DAB2IP: variants seen among roughly 807,000 people sequenced by gnomAD.
DAB2IP encodes disabled homolog 2-interacting protein.
A neutral mutation model predicts 107.2 loss-of-function variants in DAB2IP; 28 were observed. That is an observed-to-expected ratio of 0.26 (90% confidence interval 0.19 to 0.36). The LOEUF is 0.36. Among genes scored for constraint, DAB2IP ranks in the 10% least tolerant of loss-of-function variants. DAB2IP has a pLI of 1.00. For missense variants in DAB2IP, 1,400 were observed against 1,644.7 expected, an observed-to-expected ratio of 0.85 and a Z score of 2.57; for synonymous variants, 755 against 706.4, an observed-to-expected ratio of 1.07 and a Z score of -1.09.
chr9:121,659,191 A>C (rs1246563301), intron 1 of DAB2IP, among the ~76,000 whole-genome samples: 1 of 152,212 alleles, frequency 6.6e-6, no homozygotes, highest in African/African-American at 2.4e-5. Context: ...GGGCAGTCGG[A>C]GATGACTCCT....
chr9:121,682,198 T>C (rs1828635022), intron 2 of DAB2IP, among the ~76,000 whole-genome samples: 1 of 152,190 alleles, frequency 6.6e-6, no homozygotes, highest in South Asian at 2.1e-4. Context: ...CCAAAAGCTA[T>C]GTCCTCACGT....
At chr9:121,687,622 TG>T (rs1376587703) in intron 2 of DAB2IP, among the ~76,000 whole-genome samples, 1 of 152,148 alleles carries the variant, frequency 6.6e-6, no homozygotes, top group Non-Finnish European at 1.5e-5. Flanking sequence ...GTCTGTACGA[TG>T]GGGGATTTTG....
At chr9:121,652,807 CTG>C (rs1832807738) in intron 1 of DAB2IP, among the ~76,000 whole-genome samples, 1 of 152,146 alleles carries the variant, frequency 6.6e-6, no homozygotes, top group Admixed American at 6.5e-5. Flanking sequence ...ACCCTGCAGG[CTG>C]CCGTTGTGTG....
At chr9:121,600,389 C>G (rs964328141) in intron 1 of DAB2IP, among the ~76,000 whole-genome samples, 1 of 152,162 alleles carries the variant, frequency 6.6e-6, no homozygotes, top group Non-Finnish European at 1.5e-5. Context: ...GTGAAAACAC[C>G]TTGGGCTAAG....
At position 121,603,994 on chromosome 9, in the gene DAB2IP, G is replaced by T. The variant is rs543428850; in HGVS notation, c.40+36766G>T. Among the ~76,000 whole-genome samples, 36 of 152,286 alleles carry T rather than the reference G, an allele frequency of 2.4e-4. 2 individuals carry two copies. The highest frequency in any genetic ancestry group is 2.2e-3 in the Admixed American group (33 of 15,290). On this transcript the variant is annotated intron_variant, in intron 1 of 16. Coordinates refer to the DAB2IP transcript ENST00000259371. ...CCAGGACACCTGGGGGCAGTCCAGAGGGGGACAGGTAGTGGAGGAAGCCCA... is the reference window on the plus strand; with the variant it reads ...CCAGGACACCTGGGGGCAGTCCAGATGGGGACAGGTAGTGGAGGAAGCCCA...
intron 1 of DAB2IP, among the ~76,000 whole-genome samples, chr9:121,588,086 T>C (rs573783777): frequency 6.6e-6 from 1 of 152,292 alleles, no homozygotes; most frequent in East Asian, 1.9e-4. Flanking sequence ...GCTGTGGCAA[T>C]AATTATCATG....
intron 1 of DAB2IP, among the ~76,000 whole-genome samples, chr9:121,668,067 G>A (rs1250937807): frequency 2.0e-5 from 3 of 152,048 alleles, no homozygotes; most frequent in Non-Finnish European, 2.9e-5. Context: ...TGGGGAAACC[G>A]CCCCCATGAT....
rs924164292 is a variant in DAB2IP at position 121,760,697 on chromosome 9, T to C, written c.1170+258T>C. Among the ~76,000 whole-genome samples, 1 of 152,114 alleles carries C rather than the reference T, an allele frequency of 6.6e-6. No individual in the cohort carries two copies. The highest frequency in any genetic ancestry group is 6.5e-5 in the Admixed American group (1 of 15,292). On this transcript the variant is annotated intron_variant, in intron 6 of 15. Coordinates refer to ENST00000408936, the Ensembl canonical transcript of DAB2IP. This position sits in a 1 kb window ranked among gnomAD's most constrained non-coding sequence, Gnocchi z 5.9. ...TGGTAGTGAGGGAGTGGGCTTGGGT[T>C]GAGGTGCCTTCCACCACTGCTGCAG...
intron 1 of DAB2IP, among the ~76,000 whole-genome samples, chr9:121,578,513 C>A (rs1340207557): frequency 6.6e-6 from 1 of 151,836 alleles, no homozygotes; most frequent in Non-Finnish European, 1.5e-5. Context: ...TTCCAAGCCC[C>A]GGGGGATTTT....
chr9:121,602,867 G>A (rs1830736581), intron 1 of DAB2IP, among the ~76,000 whole-genome samples: 1 of 152,104 alleles, frequency 6.6e-6, no homozygotes, highest in Admixed American at 6.5e-5. Context: ...GAGCCACCGC[G>A]CCTGGCCAAT....
intron 10 of DAB2IP, 133 bp from the exon 11 acceptor site, chr9:121,770,413 C>T: frequency 1.0e-6 from 1 of 991,772 alleles, no homozygotes. Flanking sequence ...CCCAGTGGCT[C>T]TGACTGGCAG....
At chr9:121,658,761 C>T (rs142513985) in intron 1 of DAB2IP, among the ~76,000 whole-genome samples, 127 of 152,302 alleles carry the variant, frequency 8.3e-4, no homozygotes, top group African/African-American at 2.6e-3. Flanking sequence ...GAAGCACCAC[C>T]GAGGACGCCC....
intron 14 of DAB2IP, among the ~76,000 whole-genome samples, chr9:121,780,054 G>T (rs553158075): frequency 6.6e-6 from 1 of 152,086 alleles, no homozygotes; most frequent in African/African-American, 2.4e-5. Flanking sequence ...TGTTTGTTTG[G>T]TTGGTTTTTA....
At chr9:121,717,255 C>T (rs528078013) in intron 3 of DAB2IP, among the ~76,000 whole-genome samples, 1 of 152,334 alleles carries the variant, frequency 6.6e-6, no homozygotes, top group Non-Finnish European at 1.5e-5. Flanking sequence ...CTCTGAGTGG[C>T]TTCCTAAGAG....
intron 3 of DAB2IP, among the ~76,000 whole-genome samples, chr9:121,700,781 C>T (rs1829731021): frequency 6.6e-6 from 1 of 152,182 alleles, no homozygotes; most frequent in Non-Finnish European, 1.5e-5. Flanking sequence ...GCATCCTCAC[C>T]ACTGCCTGCA....
intron 1 of DAB2IP, among the ~76,000 whole-genome samples, chr9:121,615,538 A>T (rs1050825585): frequency 6.6e-6 from 1 of 152,194 alleles, no homozygotes; most frequent in African/African-American, 2.4e-5. Context: ...TCTTGGGTCA[A>T]TTGGCAGGTC....
At chr9:121,595,907 G>C (rs1299944374) in intron 1 of DAB2IP, among the ~76,000 whole-genome samples, 1 of 152,154 alleles carries the variant, frequency 6.6e-6, no homozygotes, top group Non-Finnish European at 1.5e-5. Context: ...GCCAGGGTAG[G>C]CACAGTGGCT....
At chr9:121,707,341 C>T (rs1018444545) in intron 3 of DAB2IP, among the ~76,000 whole-genome samples, 6 of 152,298 alleles carry the variant, frequency 3.9e-5, no homozygotes, top group African/African-American at 1.4e-4. Context: ...CTGCCGCCCC[C>T]CTCAGTTTTC....
At chr9:121,716,372 G>A (rs930901358) in intron 3 of DAB2IP, among the ~76,000 whole-genome samples, 1 of 152,206 alleles carries the variant, frequency 6.6e-6, no homozygotes, top group East Asian at 1.9e-4. Context: ...CTTTGCTACT[G>A]CTATTGTCCG....
Sources: gnomAD v4.1 joint callset for allele counts (sites outside exome capture counted in the v4.1 genomes callset) on GRCh38, gnomAD v4.1.1 for gene constraint, Gnocchi (gnomAD v3.1) non-coding constraint, MANE v1.5 for transcripts, NCBI Gene and HGNC (gene_info 2026-07-23, HGNC 2026-07-21) for gene names.